RNF213: variants seen among roughly 807,000 people sequenced by gnomAD.
RNF213 encodes the protein ring finger protein 213, also known as E3 ubiquitin-protein ligase RNF213.
Under a neutral mutation model 514.4 loss-of-function variants are expected in RNF213, and 341 were observed. The observed-to-expected ratio is 0.66, with a 90% CI of 0.61 to 0.73. The LOEUF is 0.73. Among genes scored for constraint, RNF213 ranks in the 30% least tolerant of loss-of-function variants. The pLI is 0.00. For missense variants in RNF213, 5,767 were observed against 6,615.6 expected (o/e 0.87, Z 4.45); for synonymous variants, 2,655 against 2,658.2 (o/e 1.00, Z 0.04).
rs1599066642 is a variant in RNF213, at chr17:80,343,718, A to T, written c.6184-139A>T. The T allele has an allele frequency of 1.1e-6, 1 of 894,730 alleles. No homozygotes were observed. The highest frequency in any genetic ancestry group is 1.8e-5 in the Admixed American group (1 of 56,976). 55.4% of individuals were successfully genotyped at this position (894,730 alleles called of 1,614,324 possible). ...ATTTTATGGGGCTGCCCTTGGAGAC[A>T]TGGGCCGTTGTTGGCTGAAATGTTG... On this transcript the variant is annotated intron_variant, in intron 27 of 67. Coordinates refer to ENST00000582970, the MANE Select transcript of RNF213 (RefSeq NM_001256071.3). The surrounding 1 kb of genome is among the most constrained non-coding windows in gnomAD (Gnocchi z 4.3).
intron 39 of RNF213, among the ~76,000 whole-genome samples, chr17:80,362,722 G>A (rs1462514227): frequency 6.6e-6 from 1 of 152,224 alleles, no homozygotes; most frequent in African/African-American, 2.4e-5. Context: ...ACAAATATTT[G>A]GTTCACAGGG....
chr17:80,363,009 T>C (rs1297604182), intron 39 of RNF213, 93 bp from the exon 40 acceptor site: 1 of 1,222,326 alleles, frequency 8.2e-7, no homozygotes, highest in African/African-American at 1.5e-5. Flanking sequence ...AATTTCCTCT[T>C]TTATGGTTTT....
intron 65 of RNF213, 97 bp downstream of exon 65, chr17:80,389,464 C>G (rs866832718): frequency 2.7e-6 from 3 of 1,096,148 alleles, no homozygotes; most frequent in Middle Eastern, 4.1e-4. Context: ...CCACTCTAGG[C>G]GCTCCTGAAA....
At chr17:80,290,475 G>C in intron 6 of RNF213, 95 bp from the exon 7 acceptor site, 1 of 1,454,518 alleles carries the variant, frequency 6.9e-7, no homozygotes, top group Non-Finnish European at 9.6e-7. Context: ...GTGTGCACGT[G>C]TGTGTGCGCA....
At chr17:80,341,517 T>A (rs546474616) in intron 26 of RNF213, 1 of 152,304 alleles carries the variant, frequency 6.6e-6, no homozygotes, top group African/African-American at 2.4e-5. Flanking sequence ...CAACACATAA[T>A]GACATTTCAG....
Position 80,266,278 on chromosome 17 carries a change from C to CA in RNF213, c.97+2512dup, listed in dbSNP as rs893946823. On this transcript the variant is annotated intron_variant, in intron 2 of 67. Transcript: ENST00000582970. The stretch of plus-strand genomic sequence containing the variant: ...GCAACATGGTGGAGCCCCATCTCTA[C>CA]AAAAAAAAAAAAGAAAAAAAAATAC... Among the ~76,000 whole-genome samples the CA allele has an allele frequency of 2.5e-3, 234 of 93,322 alleles. 1 individual carries two copies. The highest frequency in any genetic ancestry group is 4.1e-3 in the South Asian group (13 of 3,160). 61.2% of individuals were successfully genotyped at this position (93,322 alleles called of 152,430 possible).
At chr17:80,373,250 CCCTACCCCCCCCACACCCCA>C (rs1568151765) in intron 49 of RNF213, 85 bp downstream of exon 49, 1 of 1,044,236 alleles carries the variant, frequency 9.6e-7, no homozygotes, top group Non-Finnish European at 1.3e-6. Context: ...TACCCTCACA[CCCTACCCCCCCCACACCCCA>C]CCCCCTCACA....
intron 49 of RNF213, 105 bp downstream of exon 49, chr17:80,373,270 ACCCCCTCACACCTTC>A: frequency 1.7e-6 from 1 of 601,992 alleles, no homozygotes; most frequent in East Asian, 3.7e-5. Flanking sequence ...CCCACACCCC[ACCCCCTCACACCTTC>A]CCCACCACAT....
intron 37 of RNF213, among the ~76,000 whole-genome samples, chr17:80,359,214 T>G (rs899026106): frequency 2.0e-5 from 3 of 151,936 alleles, no homozygotes; most frequent in Non-Finnish European, 4.4e-5. Flanking sequence ...ATTCTGGATG[T>G]AGATTTATAA....
At position 80,325,202 on chromosome 17, in the gene RNF213, T is replaced by C; in HGVS notation, c.3193+4T>C. On this transcript the variant is annotated splice_donor_region_variant and intron_variant, in intron 18 of 67. Transcript: ENST00000582970. Reference sequence around the variant, plus strand: ...AAGCACGTCTTCAGATTGTGTGGTATGTTTGCGGGAGTGCTGGGAACATCA... The same window carrying C: ...AAGCACGTCTTCAGATTGTGTGGTACGTTTGCGGGAGTGCTGGGAACATCA... 1 of 1,529,044 alleles carries C rather than the reference T, an allele frequency of 6.5e-7. No individual in the cohort carries two copies. 94.7% of individuals were successfully genotyped at this position (1,529,044 alleles called of 1,614,324 possible). A position where few individuals can be genotyped will look rare whatever the true frequency, so the allele number is the denominator to read the frequency against.
intron 46 of RNF213, among the ~76,000 whole-genome samples, chr17:80,371,328 A>G (rs1180080888): frequency 6.6e-6 from 1 of 152,230 alleles, no homozygotes; most frequent in Non-Finnish European, 1.5e-5. Context: ...TATTCCGAGT[A>G]TATGAGGACA....
rs1211650223 is a variant in RNF213, at chr17:80,358,180, G to C, written c.10863-108G>C. 3 of 857,378 alleles carry C rather than the reference G, an allele frequency of 3.5e-6. No individual in the cohort carries two copies. The East Asian group carries it at 7.8e-5, about 22-fold the overall frequency. The allele number at this position is 857,378 out of a possible 1,614,324, so 53.1% of individuals were successfully genotyped here. A position where few individuals can be genotyped will look rare whatever the true frequency, so the allele number is the denominator to read the frequency against. On this transcript the variant is annotated intron_variant, in intron 36 of 67. Coordinates refer to ENST00000582970, the MANE Select transcript of RNF213 (RefSeq NM_001256071.3). The stretch of plus-strand genomic sequence containing the variant: ...TGTCGCTGTAGTGTGGTAAATAGTA[G>C]ACTAGTTGTTTTGTTAATGCTCAAG...
Position 80,380,871 on chromosome 17 carries a change from A to C in RNF213, c.13681A>C (p.Asn4561His). The part of the protein sequence containing the change: ...DRTQTGHVLG[N>H]PQRRDVVTCD... ...AACGCAGACCGGCCACGTGCTGGGC[A>C]ACCCGCAGCGGAGAGACGTGGTGAC... The change falls in exon 56 of 68, where the codon AAC becomes CAC. Residue 4561 changes from asparagine to histidine, a missense_variant. Coordinates refer to ENST00000582970, the MANE Select transcript of RNF213 (RefSeq NM_001256071.3). 1 of 1,614,224 alleles carries C rather than the reference A, an allele frequency of 6.2e-7. No homozygotes were observed. Among genetic ancestry groups the C allele is most frequent in the Middle Eastern group, 1.6e-4 (1 of 6,062 alleles).
chr17:80,379,517 C>A, intron 54 of RNF213, 103 bp from the exon 55 acceptor site: 2 of 1,082,132 alleles, frequency 1.8e-6, no homozygotes. Flanking sequence ...TCTGAGGGTG[C>A]TCACGTCTGC....
In RNF213 at chr17:80,340,641, G is replaced by A. The variant is rs1729648495; in HGVS notation, c.5989+285G>A. ...TTTTTTTTTTTTTTTTTTTTTTTGA[G>A]ACAGAGTCTTGCTCTGTCACCCAGG... is the stretch of plus-strand genomic sequence containing the variant. On this transcript the variant is annotated intron_variant, in intron 26 of 67. Coordinates refer to ENST00000582970, the MANE Select transcript of RNF213 (RefSeq NM_001256071.3). The A allele has an allele frequency of 1.1e-4, 31 of 278,180 alleles. 1 individual carries two copies. The highest frequency in any genetic ancestry group is 9.5e-4 in the South Asian group (30 of 31,630). 17.2% of individuals were successfully genotyped at this position (278,180 alleles called of 1,614,324 possible). A position where few individuals can be genotyped will look rare whatever the true frequency, so the allele number is the denominator to read the frequency against.
intron 36 of RNF213, among the ~76,000 whole-genome samples, chr17:80,357,969 C>T (rs571435656): frequency 3.3e-5 from 5 of 152,216 alleles, no homozygotes; most frequent in Non-Finnish European, 7.3e-5. Context: ...GTTGGCGTGA[C>T]AGAGTGAGAC....
rs2079351966 is a variant in RNF213, at chr17:80,368,072, G to A, written c.12084G>A (p.Glu4028=). ...LRCLRAWFAS[E]QMICPYCLTA... The stretch of plus-strand genomic sequence containing the variant: ...GCCTCAGGGCCTGGTTTGCCTCAGA[G>A]CAGATGATATGCCCCTACTGTTTAA... Residue 4028 remains glutamate, a synonymous_variant, in exon 44 of 68, where the codon GAG becomes GAA. Coordinates refer to ENST00000582970, the MANE Select transcript of RNF213 (RefSeq NM_001256071.3). 3 of 1,614,254 alleles carry A rather than the reference G, an allele frequency of 1.9e-6. No individual in the cohort carries two copies. Among genetic ancestry groups the A allele is most frequent in the Non-Finnish European group, 8.5e-7 (1 of 1,180,042 alleles).
At chr17:80,338,749 G>A (rs974215417) in intron 25 of RNF213, among the ~76,000 whole-genome samples, 1 of 151,738 alleles carries the variant, frequency 6.6e-6, no homozygotes, top group African/African-American at 2.4e-5. Flanking sequence ...AGGTGTTTGA[G>A]ACCAGCCTGG....
intron 2 of RNF213, among the ~76,000 whole-genome samples, chr17:80,268,632 CA>C (rs2043692972): frequency 8.2e-6 from 1 of 122,190 alleles, no homozygotes; most frequent in Admixed American, 8.1e-5. Flanking sequence ...TCCATCCATC[CA>C]TCCGTTTATC....
Sources: allele counts gnomAD v4.1 joint callset (sites outside exome capture counted in the v4.1 genomes callset), GRCh38; gene constraint gnomAD v4.1.1; non-coding constraint Gnocchi (gnomAD v3.1); transcripts MANE v1.5; gene names NCBI Gene and HGNC (gene_info 2026-07-23, HGNC 2026-07-21).